Variants in PLXDC2 observed in about 807,000 individuals in gnomAD.
PLXDC2 encodes the protein plexin domain-containing protein 2.
Under a neutral mutation model 68.9 loss-of-function variants are expected in PLXDC2, and 40 were observed. The ratio of observed to expected loss-of-function variants is 0.58; its 90% CI spans 0.45 to 0.76. The LOEUF is 0.76. Among genes scored for constraint, PLXDC2 ranks in the 30% least tolerant of loss-of-function variants. PLXDC2 has a pLI of 0.00. For synonymous variants in PLXDC2, 243 were observed against 234.2 expected (o/e 1.04, Z -0.34); for missense variants, 644 against 661.9 (o/e 0.97, Z 0.30).
chr10:19,918,318 G>T (rs996263971), intron 1 of PLXDC2, among the ~76,000 whole-genome samples: 1 of 152,194 alleles, frequency 6.6e-6, no homozygotes, highest in Admixed American at 6.5e-5. Flanking sequence ...AACCTGGGTT[G>T]CAGTAGTTGA....
chr10:20,185,682 T>TATTTG (rs1834673135), intron 9 of PLXDC2, among the ~76,000 whole-genome samples: 1 of 151,992 alleles, frequency 6.6e-6, no homozygotes, highest in Non-Finnish European at 1.5e-5. Flanking sequence ...CATTATGGTC[T>TATTTG]AAGTTCATAT....
At chr10:20,044,502 G>T (rs1835762155) in intron 2 of PLXDC2, among the ~76,000 whole-genome samples, 2 of 151,806 alleles carry the variant, frequency 1.3e-5, no homozygotes, top group African/African-American at 2.4e-5. Context: ...CGGAGACGGG[G>T]TTTCACCATT....
At chr10:20,256,155 C>A (rs993014499) in intron 13 of PLXDC2, among the ~76,000 whole-genome samples, 8 of 151,146 alleles carry the variant, frequency 5.3e-5, no homozygotes, top group African/African-American at 1.9e-4. Context: ...TTTTTTGAGA[C>A]AGAATCTTGC....
intron 2 of PLXDC2, among the ~76,000 whole-genome samples, chr10:20,017,449 G>A (rs1006120539): frequency 3.3e-5 from 5 of 152,104 alleles, no homozygotes; most frequent in South Asian, 2.1e-4. Flanking sequence ...GTTCCCCTGC[G>A]ATGCGATCAA....
chr10:20,222,441 A>G (rs7067609), intron 12 of PLXDC2, among the ~76,000 whole-genome samples: 68,768 of 151,988 alleles, frequency 0.45, 17,855 homozygotes, highest in Middle Eastern at 0.65. Flanking sequence ...TGAATCTTCA[A>G]TTGTGCAGTG....
rs567712801 is a variant in PLXDC2, at chr10:20,136,585, C to T, written c.542-6710C>T. 3.4e-4 allele frequency among the ~76,000 whole-genome samples: 52 copies of T among 152,188 alleles called. No homozygotes were observed. The South Asian group carries it at 3.9e-3, about 12-fold the overall frequency. On this transcript the variant is annotated intron_variant, in intron 4 of 13. Coordinates refer to ENST00000377252, the MANE Select transcript of PLXDC2 (RefSeq NM_032812.9). The stretch of plus-strand genomic sequence containing the variant: ...TATATATAAGGTTAGTGAGAGATCA[C>T]GATGAGGAGGTGGGTCTTCAAATCC...
rs59615493 is a variant in PLXDC2, at chr10:20,259,007, CA to C, written c.1473+13517del. On this transcript the variant is annotated intron_variant, in intron 13 of 13. Transcript: ENST00000377252. ...TGGGCGACAGAGCGATACTCCGTCT[CA>C]AAAAAAAAAAAAAAGAAAAGAAAGG... Among the ~76,000 whole-genome samples the C allele has an allele frequency of 5.5e-3, 560 of 102,102 alleles. 3 individuals are homozygous for C. Among genetic ancestry groups the C allele is most frequent in the African/African-American group, 0.011 (316 of 29,000 alleles). 67.0% of individuals were successfully genotyped at this position (102,102 alleles called of 152,430 possible). A position where few individuals can be genotyped will look rare whatever the true frequency, so the allele number is the denominator to read the frequency against.
chr10:20,186,206 T>C (rs1834680420), intron 9 of PLXDC2, among the ~76,000 whole-genome samples: 1 of 151,960 alleles, frequency 6.6e-6, no homozygotes, highest in African/African-American at 2.4e-5. Context: ...AAATATTAAT[T>C]GGAATACTTT....
At chr10:19,964,164 A>G (rs1834208690) in intron 1 of PLXDC2, among the ~76,000 whole-genome samples, 1 of 152,226 alleles carries the variant, frequency 6.6e-6, no homozygotes, top group African/African-American at 2.4e-5. Flanking sequence ...TATTCCCACC[A>G]TGGCTGAAGA....
At chr10:19,977,748 G>A (rs1457746893) in intron 1 of PLXDC2, among the ~76,000 whole-genome samples, 1 of 152,034 alleles carries the variant, frequency 6.6e-6, no homozygotes, top group African/African-American at 2.4e-5. Context: ...AGGGGGTGGG[G>A]TGGGGAAATC....
chr10:20,218,615 A>T (rs1835170794), intron 11 of PLXDC2, among the ~76,000 whole-genome samples: 1 of 152,154 alleles, frequency 6.6e-6, no homozygotes, highest in Non-Finnish European at 1.5e-5. Context: ...CTTTTCTAGC[A>T]ATGGGTAAAC....
chr10:20,258,509 G>A lies in PLXDC2; in HGVS notation c.1473+13004G>A, dbSNP rs571149642. ...TTTCCTGAAATTTAAGTTGGCATTTGTTCCATTTCTATTTTATTAGAATCT... is the reference window on the plus strand; with the variant it reads ...TTTCCTGAAATTTAAGTTGGCATTTATTCCATTTCTATTTTATTAGAATCT... On this transcript the variant is annotated intron_variant, in intron 13 of 13. Coordinates refer to ENST00000377252, the MANE Select transcript of PLXDC2 (RefSeq NM_032812.9). 2.6e-5 allele frequency among the ~76,000 whole-genome samples: 4 copies of A among 152,088 alleles called. No individual in the cohort carries two copies. In the South Asian group the frequency reaches 8.3e-4, roughly 32 times the overall value.
intron 4 of PLXDC2, among the ~76,000 whole-genome samples, chr10:20,097,668 A>G (rs894766786): frequency 1.3e-5 from 2 of 152,066 alleles, no homozygotes; most frequent in South Asian, 2.1e-4. Flanking sequence ...AGCCAAATCT[A>G]CTTTTGAAAA....
Position 19,988,583 on chromosome 10 carries a change from A to G in PLXDC2, c.113-13192A>G, listed in dbSNP as rs7085864. 7.6e-3 allele frequency among the ~76,000 whole-genome samples: 1,158 copies of G among 152,168 alleles called. 19 individuals carry two copies. Among genetic ancestry groups the G allele is most frequent in the African/African-American group, 0.026 (1,095 of 41,518 alleles). On this transcript the variant is annotated intron_variant, in intron 1 of 13. Coordinates refer to ENST00000377252, the MANE Select transcript of PLXDC2 (RefSeq NM_032812.9). ...CATATTAAAAATGAAGTATTTAGTT[A>G]TGATATTATCTCCAAAATTGTATGG... is the stretch of plus-strand genomic sequence containing the variant.
chr10:19,928,724 T>TTCG (rs1306340758), intron 1 of PLXDC2, among the ~76,000 whole-genome samples: 5 of 151,602 alleles, frequency 3.3e-5, no homozygotes, highest in Admixed American at 3.3e-4. Flanking sequence ...ATTGAGAGTC[T>TTCG]TCGGTGATGG....
intron 13 of PLXDC2, among the ~76,000 whole-genome samples, chr10:20,268,973 G>A (rs1024566056): frequency 2.0e-5 from 3 of 152,170 alleles, no homozygotes; most frequent in Non-Finnish European, 2.9e-5. Context: ...AAGATATGCT[G>A]CTTAAAGCAT....
rs1432440057 is a variant in PLXDC2 at position 20,283,057 on chromosome 10, G to A, written c.*3238G>A. The A allele has an allele frequency of 6.6e-6, 1 of 152,188 alleles. No individual in the cohort carries two copies. Among genetic ancestry groups the A allele is most frequent in the Non-Finnish European group, 1.5e-5 (1 of 68,040 alleles). The allele number at this position is 152,188 out of a possible 1,614,324, so 9.4% of individuals were successfully genotyped here. A position where few individuals can be genotyped will look rare whatever the true frequency, so the allele number is the denominator to read the frequency against. On this transcript the variant is annotated 3_prime_UTR_variant, in exon 14 of 14. Coordinates refer to ENST00000377252, the MANE Select transcript of PLXDC2 (RefSeq NM_032812.9). ...ATATTGGATAACAAGAAACACTTCCGTGGTTGAAGAAAATTTTAATGGACA... is the reference window on the plus strand; with the variant it reads ...ATATTGGATAACAAGAAACACTTCCATGGTTGAAGAAAATTTTAATGGACA...
At chr10:19,862,353 G>C (rs998027442) in intron 1 of PLXDC2, among the ~76,000 whole-genome samples, 1 of 152,106 alleles carries the variant, frequency 6.6e-6, no homozygotes, top group African/African-American at 2.4e-5. Flanking sequence ...TTGAACCAAG[G>C]AGTAACAATT....
rs143997600 is a variant in PLXDC2, at chr10:20,000,137, G to A, written c.113-1638G>A. Among the ~76,000 whole-genome samples, 562 of 152,258 alleles carry A rather than the reference G, an allele frequency of 3.7e-3. 2 individuals carry two copies. The highest frequency in any genetic ancestry group is 0.013 in the African/African-American group (530 of 41,544). On this transcript the variant is annotated intron_variant, in intron 1 of 13. Coordinates refer to ENST00000377252, the MANE Select transcript of PLXDC2 (RefSeq NM_032812.9). ...CATTTTGAGTACTATCCAATGGCCAGTAGGGACAACAGTGTTATAAAAAGA... is the reference window on the plus strand; with the variant it reads ...CATTTTGAGTACTATCCAATGGCCAATAGGGACAACAGTGTTATAAAAAGA...
Sources: gnomAD v4.1 joint callset for allele counts (sites outside exome capture counted in the v4.1 genomes callset) on GRCh38, gnomAD v4.1.1 for gene constraint, MANE v1.5 for transcripts, NCBI Gene and HGNC (gene_info 2026-07-23, HGNC 2026-07-21) for gene names.